SERPINI1: variants seen among roughly 807,000 people sequenced by gnomAD.
SERPINI1 encodes the protein neuroserpin.
In SERPINI1, 19 loss-of-function variants were observed where a neutral mutation model predicts 41.1. That is an observed-to-expected ratio of 0.46 (90% confidence interval 0.32 to 0.68). The LOEUF (loss-of-function observed/expected upper bound fraction) is 0.68. Among genes scored for constraint, SERPINI1 ranks in the 30% least tolerant of loss-of-function variants. The probability of loss-of-function intolerance (pLI) is 0.03; values close to 1 mark genes in which losing one functional copy is unlikely to be tolerated. For missense variants in SERPINI1, 460 were observed against 479.2 expected (o/e 0.96, Z 0.37); for synonymous variants, 138 against 156.6 (o/e 0.88, Z 0.89).
At chr3:167,807,752 A>G (rs1169837913) in intron 6 of SERPINI1, among the ~76,000 whole-genome samples, 1 of 152,176 alleles carries the variant, frequency 6.6e-6, no homozygotes, top group Non-Finnish European at 1.5e-5. Flanking sequence ...TAGACCAAAG[A>G]TCCTTTTTAA....
chr3:167,757,183 C>G (rs1427386876), intron 1 of SERPINI1, among the ~76,000 whole-genome samples: 1 of 152,168 alleles, frequency 6.6e-6, no homozygotes, highest in Non-Finnish European at 1.5e-5. Context: ...TCCTGTTTTA[C>G]TGATGAAGCC....
intron 1 of SERPINI1, among the ~76,000 whole-genome samples, chr3:167,782,891 A>C (rs890781019): frequency 1.3e-5 from 2 of 152,206 alleles, no homozygotes; most frequent in African/African-American, 4.8e-5. Context: ...ATTCTGGTGT[A>C]TCTGATGCAA....
Position 167,791,333 on chromosome 3 carries a change from A to G in SERPINI1, c.481+731A>G, listed in dbSNP as rs558912630. Among the ~76,000 whole-genome samples the G allele has an allele frequency of 1.4e-4, 21 of 152,266 alleles. 1 individual carries two copies. In the South Asian group the frequency reaches 4.4e-3, roughly 32 times the overall value. Reference sequence around the variant, plus strand: ...AGCTACCCAAATCATGTTAATCTTGAACTTTACATTGGAACAACAACAAAA... The same window carrying G: ...AGCTACCCAAATCATGTTAATCTTGGACTTTACATTGGAACAACAACAAAA... On this transcript the variant is annotated intron_variant, in intron 3 of 8. Transcript: ENST00000446050.
chr3:167,811,991 G>C (rs910625100), intron 6 of SERPINI1, among the ~76,000 whole-genome samples: 5 of 152,192 alleles, frequency 3.3e-5, no homozygotes, highest in African/African-American at 1.2e-4. Context: ...TGATTTAGCA[G>C]TGGGGAAAAA....
chr3:167,799,741 G>A (rs1398840896), intron 5 of SERPINI1, among the ~76,000 whole-genome samples: 1 of 152,160 alleles, frequency 6.6e-6, no homozygotes, highest in Admixed American at 6.5e-5. Flanking sequence ...CATTCTAACT[G>A]GCATGAGATG....
At chr3:167,748,784 G>A (rs556974384) in intron 1 of SERPINI1, among the ~76,000 whole-genome samples, 3 of 149,600 alleles carry the variant, frequency 2.0e-5, no homozygotes, top group Admixed American at 1.3e-4. Context: ...GTGTGTGTGT[G>A]TGTGTGTGTT....
chr3:167,756,720 G>C (rs972904497), intron 1 of SERPINI1, among the ~76,000 whole-genome samples: 1 of 152,068 alleles, frequency 6.6e-6, no homozygotes, highest in African/African-American at 2.4e-5. Flanking sequence ...CCCTTGTAAT[G>C]ACTATGGCAG....
intron 6 of SERPINI1, among the ~76,000 whole-genome samples, chr3:167,818,450 A>T (rs138630830): frequency 1.2e-4 from 19 of 152,370 alleles, no homozygotes; most frequent in African/African-American, 4.6e-4. Flanking sequence ...AAGTTAATTA[A>T]CATTTACTGC....
intron 1 of SERPINI1, among the ~76,000 whole-genome samples, chr3:167,786,615 G>A (rs558466916): frequency 2.0e-5 from 3 of 151,900 alleles, no homozygotes; most frequent in Admixed American, 1.3e-4. Flanking sequence ...TGGGTAAATC[G>A]GTGAATGAGT....
intron 1 of SERPINI1, among the ~76,000 whole-genome samples, chr3:167,744,089 T>A (rs550225526): frequency 6.6e-6 from 1 of 152,226 alleles, no homozygotes; most frequent in Admixed American, 6.5e-5. Context: ...TTTAAAAAAA[T>A]TTGTCAAACA....
chr3:167,745,186 A>C (rs1483275723), intron 1 of SERPINI1, among the ~76,000 whole-genome samples: 1 of 151,860 alleles, frequency 6.6e-6, no homozygotes, highest in East Asian at 1.9e-4. Context: ...TCAACAAAAT[A>C]CTAGCAACCA....
chr3:167,763,892 AG>A (rs1726470264), intron 1 of SERPINI1, among the ~76,000 whole-genome samples: 1 of 152,136 alleles, frequency 6.6e-6, no homozygotes, highest in South Asian at 2.1e-4. Context: ...AACACTTTAA[AG>A]TCATGTCATT....
At chr3:167,808,544 G>C (rs564254145) in intron 6 of SERPINI1, among the ~76,000 whole-genome samples, 3 of 152,160 alleles carry the variant, frequency 2.0e-5, no homozygotes, top group East Asian at 3.9e-4. Context: ...AACATGTAAG[G>C]CCTCTTTATA....
rs529390076 is a variant in SERPINI1, at chr3:167,808,830, TG to T, written c.979+1495del. ...AGGTGTGTGTGAGAGAGAAACAGTT[TG>T]GGGGGCTCGTATTAATAGCTTTCGA... On this transcript the variant is annotated intron_variant, in intron 6 of 8. Coordinates refer to ENST00000446050, the MANE Select transcript of SERPINI1 (RefSeq NM_001122752.2). Among the ~76,000 whole-genome samples, 21 of 152,252 alleles carry T rather than the reference TG, an allele frequency of 1.4e-4. No homozygotes were observed. In the East Asian group the frequency reaches 1.7e-3, roughly 13 times the overall value.
At chr3:167,751,862 T>C (rs1273305451) in intron 1 of SERPINI1, among the ~76,000 whole-genome samples, 1 of 152,122 alleles carries the variant, frequency 6.6e-6, no homozygotes, top group East Asian at 1.9e-4. Flanking sequence ...TCCCACAATA[T>C]AAATGGATTT....
At position 167,744,375 on chromosome 3, in the gene SERPINI1, C is replaced by CT. The variant is rs1364581115; in HGVS notation, c.-19+8559dup. ...AATTTATTTTGTAAGTGAACTATAA[C>CT]TTTTTTTACTCAAATAGGGATTTGA... On this transcript the variant is annotated intron_variant, in intron 1 of 8. Coordinates refer to ENST00000446050, the MANE Select transcript of SERPINI1 (RefSeq NM_001122752.2). Among the ~76,000 whole-genome samples the CT allele has an allele frequency of 7.9e-5, 12 of 151,446 alleles. No individual in the cohort carries two copies. In the South Asian group the frequency reaches 2.1e-3, roughly 26 times the overall value.
At chr3:167,824,948 G>A (rs981866005) in intron 8 of SERPINI1, among the ~76,000 whole-genome samples, 1 of 152,036 alleles carries the variant, frequency 6.6e-6, no homozygotes, top group Non-Finnish European at 1.5e-5. Flanking sequence ...AGAGGTGTTG[G>A]GGGTGGAAGG....
chr3:167,789,057 A>G, intron 1 of SERPINI1, 54 bp from the exon 2 acceptor site: 1 of 1,555,044 alleles, frequency 6.4e-7, no homozygotes, highest in Admixed American at 1.7e-5. Context: ...TCCTTCCATG[A>G]GACTTTTGTT....
At chr3:167,823,179 C>A in intron 7 of SERPINI1, 107 bp downstream of exon 7, 1 of 803,784 alleles carries the variant, frequency 1.2e-6, no homozygotes, top group Non-Finnish European at 2.2e-6. Context: ...AGTCACTCTG[C>A]TCTAACTTAG....
Sources: gnomAD v4.1 joint callset for allele counts (sites outside exome capture counted in the v4.1 genomes callset) on GRCh38, gnomAD v4.1.1 for gene constraint, MANE v1.5 for transcripts, NCBI Gene and HGNC (gene_info 2026-07-23, HGNC 2026-07-21) for gene names.